MAPK10: variants seen among roughly 807,000 people sequenced by gnomAD.
The protein encoded by MAPK10 is JNK3 alpha protein kinase.
MAPK10 carries 25 observed loss-of-function variants against 59.3 expected under a neutral mutation model. The observed-to-expected ratio is 0.42, with a 90% CI of 0.31 to 0.59. MAPK10 has a LOEUF of 0.59. Among genes scored for constraint, MAPK10 ranks in the 20% least tolerant of loss-of-function variants. The pLI is 0.15. For synonymous variants in MAPK10, 190 were observed against 200.5 expected (o/e 0.95, Z 0.44); for missense variants, 351 against 568.9 (o/e 0.62, Z 3.90).
At chr4:86,459,316 C>G (rs1751518664) in intron 1 of MAPK10, among the ~76,000 whole-genome samples, 1 of 152,164 alleles carries the variant, frequency 6.6e-6, no homozygotes, top group Non-Finnish European at 1.5e-5. Flanking sequence ...GGAACATAAA[C>G]TAGTAAAACC....
At chr4:86,572,720 G>A (rs938001192) in intron 1 of MAPK10, among the ~76,000 whole-genome samples, 3 of 152,192 alleles carry the variant, frequency 2.0e-5, no homozygotes, top group African/African-American at 7.2e-5. Context: ...CTGGGTCTGA[G>A]TTTATAAGAA....
At chr4:86,330,030 T>C (rs927443790) in intron 2 of MAPK10, among the ~76,000 whole-genome samples, 3 of 152,126 alleles carry the variant, frequency 2.0e-5, no homozygotes, top group East Asian at 1.9e-4. Context: ...GCAAAGAGAA[T>C]ACACAGGAAT....
At chr4:86,071,490 T>G (rs1579608562) in intron 9 of MAPK10, among the ~76,000 whole-genome samples, 1 of 144,902 alleles carries the variant, frequency 6.9e-6, no homozygotes, top group Non-Finnish European at 1.5e-5. Context: ...TGAATGGTAA[T>G]GCCTAGGTTT....
At chr4:86,291,152 A>G (rs756157213) in intron 2 of MAPK10, among the ~76,000 whole-genome samples, 16 of 152,212 alleles carry the variant, frequency 1.1e-4, no homozygotes, top group Non-Finnish European at 1.0e-4. Context: ...CATGATAGCA[A>G]AAACATCAGA....
intron 2 of MAPK10, among the ~76,000 whole-genome samples, chr4:86,305,446 A>G (rs1651567622): frequency 6.6e-6 from 1 of 152,248 alleles, no homozygotes; most frequent in African/African-American, 2.4e-5. Context: ...AATTAAAACT[A>G]TTAAGAATCT....
rs189488587 is a variant in MAPK10, at chr4:86,495,189, A to G, written c.-263+98721T>C. Among the ~76,000 whole-genome samples, 12 of 152,350 alleles carry G rather than the reference A, an allele frequency of 7.9e-5. No homozygotes were observed. The East Asian group carries it at 2.3e-3, about 29-fold the overall frequency. On this transcript the variant is annotated intron_variant, in intron 1 of 4. Coordinates refer to the MAPK10 transcript ENST00000502302. ...TGAGGATGTAGTCCATAAAACAATG[A>G]TGTTTAATGATATGGTAAGATGGGA...
At chr4:86,383,832 C>T (rs1741085124) in intron 1 of MAPK10, among the ~76,000 whole-genome samples, 2 of 152,246 alleles carry the variant, frequency 1.3e-5, no homozygotes, top group African/African-American at 2.4e-5. Context: ...GTAGAGATAA[C>T]AATTTACTTC....
chr4:86,405,691 T>C (rs1046530706), intron 1 of MAPK10, among the ~76,000 whole-genome samples: 1 of 152,204 alleles, frequency 6.6e-6, no homozygotes, highest in African/African-American at 2.4e-5. Flanking sequence ...ACAGACTCAA[T>C]CACTCTTTTT....
intron 1 of MAPK10, chr4:86,593,630 A>C (rs1438498320): frequency 2.0e-5 from 3 of 152,220 alleles, no homozygotes; most frequent in African/African-American, 7.2e-5. Flanking sequence ...AGTATTTACA[A>C]ACTTTTTTCA....
intron 2 of MAPK10, among the ~76,000 whole-genome samples, chr4:86,247,851 G>A (rs749736783): frequency 5.9e-5 from 9 of 152,178 alleles, no homozygotes; most frequent in African/African-American, 1.2e-4. Flanking sequence ...CTATGGAAGT[G>A]TTGGGAATGT....
intron 1 of MAPK10, among the ~76,000 whole-genome samples, chr4:86,550,715 T>C (rs1759710777): frequency 6.6e-6 from 1 of 151,996 alleles, no homozygotes; most frequent in Non-Finnish European, 1.5e-5. Flanking sequence ...AACAAATAAA[T>C]AAGTAAATAC....
intron 3 of MAPK10, chr4:86,176,062 G>A (rs903869164): frequency 6.6e-6 from 1 of 152,102 alleles, no homozygotes; most frequent in African/African-American, 2.4e-5. Flanking sequence ...AACCAAAGTG[G>A]ACATTCTTCT....
intron 2 of MAPK10, among the ~76,000 whole-genome samples, chr4:86,252,531 T>C (rs1372839114): frequency 4.2e-5 from 6 of 143,072 alleles, no homozygotes; most frequent in African/African-American, 1.4e-4. Flanking sequence ...CATTGATCTA[T>C]ATCTCTGTTT....
chr4:86,444,697 A>G (rs1194023565), intron 1 of MAPK10, among the ~76,000 whole-genome samples: 3 of 151,436 alleles, frequency 2.0e-5, no homozygotes, highest in Non-Finnish European at 4.4e-5. Flanking sequence ...CAGAATCTAC[A>G]GGGGACTTAA....
At chr4:86,417,415 A>AT (rs1484542784) in intron 1 of MAPK10, among the ~76,000 whole-genome samples, 1 of 152,054 alleles carries the variant, frequency 6.6e-6, no homozygotes, top group Admixed American at 6.6e-5. Flanking sequence ...TAAAACCTAT[A>AT]TTTTTTCATT....
At chr4:86,160,492 T>A (rs1452051019) in intron 3 of MAPK10, 1 of 152,044 alleles carries the variant, frequency 6.6e-6, no homozygotes, top group Non-Finnish European at 1.5e-5. Flanking sequence ...GTGATTCTCA[T>A]TAAAGGTGGT....
chr4:86,213,442 T>C (rs1472070559), intron 2 of MAPK10, among the ~76,000 whole-genome samples: 1 of 152,090 alleles, frequency 6.6e-6, no homozygotes, highest in East Asian at 1.9e-4. Flanking sequence ...TTAACAAAAT[T>C]GACAAATCTT....
At chr4:86,390,607 C>T (rs6841973) in intron 1 of MAPK10, among the ~76,000 whole-genome samples, 5,148 of 152,222 alleles carry the variant, frequency 0.034, 277 homozygotes, top group African/African-American at 0.12. Flanking sequence ...AGACTGCCAG[C>T]AAGATAGAGG....
At chr4:86,539,360 C>T (rs1372245272) in intron 1 of MAPK10, among the ~76,000 whole-genome samples, 2 of 152,112 alleles carry the variant, frequency 1.3e-5, no homozygotes, top group Non-Finnish European at 2.9e-5. Flanking sequence ...GAAAAGACAT[C>T]GTCCTACACT....
Sources: allele counts gnomAD v4.1 joint callset (sites outside exome capture counted in the v4.1 genomes callset), GRCh38; gene constraint gnomAD v4.1.1; transcripts MANE v1.5; gene names NCBI Gene and HGNC (gene_info 2026-07-23, HGNC 2026-07-21).